Variants in C2CD2L observed in about 807,000 individuals in gnomAD.
C2CD2L encodes the protein C2CD2 like.
Under a neutral mutation model 69.9 loss-of-function variants are expected in C2CD2L, and 24 were observed. The ratio of observed to expected loss-of-function variants is 0.34; its 90% CI spans 0.25 to 0.48. The LOEUF (loss-of-function observed/expected upper bound fraction) is 0.48, where lower values mean the gene tolerates loss of function less well. C2CD2L is among the 20% of genes least tolerant of loss of function. The probability of loss-of-function intolerance (pLI) is 0.99; values close to 1 mark genes in which losing one functional copy is unlikely to be tolerated. For synonymous variants in C2CD2L, 367 were observed against 391.0 expected, an observed-to-expected ratio of 0.94 and a Z score of 0.72; for missense variants, 811 against 941.5, an observed-to-expected ratio of 0.86 and a Z score of 1.81.
In C2CD2L at chr11:119,111,597, A is replaced by G. The variant is rs560238744; in HGVS notation, c.987A>G (p.Gly329=). 1.5e-4 allele frequency: 247 copies of G among 1,613,966 alleles called. 1 individual carries two copies. In the South Asian group the frequency reaches 2.5e-3, roughly 17 times the overall value. Residue 329 remains glycine (G), a synonymous_variant, in exon 7 of 14, where the codon GGA becomes GGG. Coordinates refer to ENST00000648610, the MANE Select transcript of C2CD2L (RefSeq NM_001290474.2). ...AGTGGACCAAGCCCGCGAGGGCTGGATCCGAGGTGGAGTGGACAGAAGACC... is the reference window on the plus strand; with the variant it reads ...AGTGGACCAAGCCCGCGAGGGCTGGGTCCGAGGTGGAGTGGACAGAAGACC... The part of the protein sequence containing the change: ...QQKWTKPARA[G]SEVEWTEDLA...
chr11:119,113,447 G>A, intron 10 of C2CD2L, 164 bp from the exon 11 acceptor site: 2 of 1,048,196 alleles, frequency 1.9e-6, no homozygotes, highest in East Asian at 2.6e-5. Context: ...CTCCTGGGGT[G>A]TCTTTTAGTC....
At chr11:119,115,741 G>A (rs1367140668) in intron 13 of C2CD2L, 2 of 478,660 alleles carry the variant, frequency 4.2e-6, no homozygotes, top group African/African-American at 3.9e-5. Context: ...AAAGCGGCCA[G>A]CTCCGTGATA....
upstream of C2CD2L, among the ~76,000 whole-genome samples, chr11:119,103,688 A>ACT (rs10624762): frequency 0.93 from 141,582 of 152,190 alleles, 66,091 homozygotes; most frequent in Non-Finnish European, 0.95. Flanking sequence ...CAGAGGGGAA[A>ACT]CTGTCTCAAA....
At chr11:119,108,941 C>T (rs571244293) in intron 1 of C2CD2L, among the ~76,000 whole-genome samples, 3 of 152,288 alleles carry the variant, frequency 2.0e-5, no homozygotes, top group Non-Finnish European at 2.9e-5. Flanking sequence ...CCCCAGATGC[C>T]GGAAACAGAA....
chr11:119,116,223 CA>C lies in C2CD2L; in HGVS notation c.2090del (p.Lys697ArgfsTer106). ...IKRFSFKSKP[K>X]ANGNPSPQL ...AGCGCTTTTCCTTCAAATCCAAACCCAAGGCCAATGGTAACCCCAGCCCCCA... is the reference window on the plus strand; with the variant it reads ...AGCGCTTTTCCTTCAAATCCAAACCCAGGCCAATGGTAACCCCAGCCCCCA... On this transcript the variant is annotated frameshift_variant, in exon 14 of 14. Coordinates refer to ENST00000648610, the MANE Select transcript of C2CD2L (RefSeq NM_001290474.2). LOFTEE classifies it high-confidence loss of function. The C allele has an allele frequency of 6.2e-7, 1 of 1,614,252 alleles. No individual in the cohort carries two copies.
At chr11:119,108,856 C>G (rs1283807008) in intron 1 of C2CD2L, among the ~76,000 whole-genome samples, 2 of 152,220 alleles carry the variant, frequency 1.3e-5, no homozygotes, top group Admixed American at 6.5e-5. Context: ...CTTGCTCTCA[C>G]AGTCCATCAG....
In C2CD2L at chr11:119,114,561, GA is replaced by G; in HGVS notation, c.1909+198del. 1.7e-6 allele frequency: 1 copy of G among 599,200 alleles called. No individual in the cohort carries two copies. The highest frequency in any genetic ancestry group is 1.9e-5 in the African/African-American group (1 of 53,994). The allele number at this position is 599,200 out of a possible 1,614,324, so 37.1% of individuals were successfully genotyped here. A position where few individuals can be genotyped will look rare whatever the true frequency, so the allele number is the denominator to read the frequency against. On this transcript the variant is annotated intron_variant, in intron 13 of 13. Transcript: ENST00000648610. The surrounding 1 kb of genome is among the most constrained non-coding windows in gnomAD (Gnocchi z 5.1). ...CCTAGATCTGACATGCTTGTGATAG[GA>G]AGGGATGCCAAATTATTTCCCTTTA...
Position 119,116,125 on chromosome 11 carries a change from G to T in C2CD2L, c.1990G>T (p.Asp664Tyr). The change falls in exon 14 of 14, where the codon GAT becomes TAT. Residue 664 changes from aspartate to tyrosine, a missense_variant. Coordinates refer to ENST00000648610, the MANE Select transcript of C2CD2L (RefSeq NM_001290474.2). The part of the protein sequence containing the change: ...QKEAGLSQSH[D>Y]DLSNATATPS... ...GGAAGCTGGCCTGAGCCAATCACAC[G>T]ATGACCTCTCCAACGCAACGGCCAC... The T allele has an allele frequency of 6.2e-7, 1 of 1,614,198 alleles. No individual in the cohort carries two copies.
chr11:119,110,119 G>A lies in C2CD2L; in HGVS notation c.370G>A (p.Ala124Thr), dbSNP rs1362547738. The change falls in exon 2 of 14, where the codon GCC (alanine) becomes ACC (threonine). Residue 124 changes from alanine to threonine, a missense_variant. Transcript: ENST00000648610. This position sits in a 1 kb window ranked among gnomAD's most constrained non-coding sequence, Gnocchi z 5.7. ...ACTCCCTCAGAGCTCCATCCAAATC[G>A]CCTTTGAGGAGGTGCCCCAACTCCC... is the stretch of plus-strand genomic sequence containing the variant. The part of the protein sequence containing the change: ...ACRNGSSIQI[A>T]FEEVPQLPPR... 8.1e-6 allele frequency: 13 copies of A among 1,613,304 alleles called. No homozygotes were observed. The highest frequency in any genetic ancestry group is 1.7e-5 in the Admixed American group (1 of 60,024).
chr11:119,102,541 A>G (rs544513540), upstream of C2CD2L, among the ~76,000 whole-genome samples: 27 of 152,250 alleles, frequency 1.8e-4, no homozygotes, highest in Admixed American at 1.8e-3. Context: ...TGTAGCAGTT[A>G]GTTGCCCGGC....
chr11:119,115,788 C>T (rs1946870509), intron 13 of C2CD2L: 1 of 585,362 alleles, frequency 1.7e-6, no homozygotes, highest in East Asian at 2.8e-5. Flanking sequence ...GTACACAGAT[C>T]CCCACAAGTA....
At position 119,118,062 on chromosome 11, in the gene C2CD2L, G is replaced by A. The variant is rs1946934927; in HGVS notation, c.*1806G>A. 6.6e-6 allele frequency: 1 copy of A among 152,140 alleles called. No individual in the cohort carries two copies. Among genetic ancestry groups the A allele is most frequent in the Admixed American group, 6.5e-5 (1 of 15,268 alleles). 9.4% of individuals were successfully genotyped at this position (152,140 alleles called of 1,614,324 possible). ...AAATATGAGATATCCGGGAAGAATG[G>A]AGGGTATAGATTTTTTTTTTCAATT... On this transcript the variant is annotated 3_prime_UTR_variant, in exon 14 of 14. Coordinates refer to ENST00000648610, the MANE Select transcript of C2CD2L (RefSeq NM_001290474.2).
upstream of C2CD2L, among the ~76,000 whole-genome samples, chr11:119,105,457 G>T (rs188725831): frequency 5.4e-3 from 820 of 152,162 alleles, 7 homozygotes; most frequent in Non-Finnish European, 9.2e-3. Context: ...TGGCCAACAT[G>T]GTGAAACCCT....
chr11:119,112,706 T>C lies in C2CD2L; in HGVS notation c.1219T>C (p.Tyr407His). The C allele has an allele frequency of 6.2e-7, 1 of 1,613,532 alleles. No individual in the cohort carries two copies. The highest frequency in any genetic ancestry group is 1.3e-5 in the African/African-American group (1 of 74,976). Reference protein sequence around the residue: ...PAATMAVELHYEEGSPRNLGT... With the variant: ...PAATMAVELHHEEGSPRNLGT... ...CTCTCCCACCCCTGGGCAGCTTCAC[T>C]ATGAGGAGGGCTCTCCCCGGAACCT... Residue 407 changes from tyrosine (Y) to histidine (H), a missense_variant, in exon 10 of 14, where the codon TAT becomes CAT. Coordinates refer to ENST00000648610, the MANE Select transcript of C2CD2L (RefSeq NM_001290474.2).
intron 7 of C2CD2L, chr11:119,111,847 A>C (rs1946751527): frequency 3.7e-6 from 2 of 537,472 alleles, no homozygotes; most frequent in Admixed American, 7.0e-5. Flanking sequence ...ACAGGTGTAC[A>C]TAAAGAAGAT....
In C2CD2L at chr11:119,110,519, G is replaced by T; in HGVS notation, c.451-42G>T. ...ATTACAGGGCAGTTCAAAGCAGGGT[G>T]AGCACCCTTCCCCCACATCTGACCC... On this transcript the variant is annotated intron_variant, in intron 2 of 13. Coordinates refer to ENST00000648610, the MANE Select transcript of C2CD2L (RefSeq NM_001290474.2). The surrounding 1 kb of genome is among the most constrained non-coding windows in gnomAD (Gnocchi z 5.7). 1 of 1,591,614 alleles carries T rather than the reference G, an allele frequency of 6.3e-7. No individual in the cohort carries two copies. The highest frequency in any genetic ancestry group is 1.1e-5 in the South Asian group (1 of 89,060).
Position 119,112,387 on chromosome 11 carries a change from G to A in C2CD2L, c.1079G>A (p.Gly360Glu). The A allele has an allele frequency of 5.0e-6, 8 of 1,613,772 alleles. No individual in the cohort carries two copies. Among genetic ancestry groups the A allele is most frequent in the Non-Finnish European group, 6.8e-6 (8 of 1,179,874 alleles). ...AAAGTGCTGAGGAGCAGCAGCTGTG[G>A]AGACAGTAAGTGAGGGGTGGGAGGG... ...TLKVLRSSSC[G>E]DTELLGQATL... The change falls in exon 8 of 14, where the codon GGA (glycine) becomes GAA (glutamate). Residue 360 changes from glycine (G) to glutamate (E), a missense_variant. Transcript: ENST00000648610.
rs200511215 is a variant in C2CD2L, at chr11:119,116,521, A to G, written c.*265A>G. On this transcript the variant is annotated 3_prime_UTR_variant, in exon 14 of 14. Coordinates refer to ENST00000648610, the MANE Select transcript of C2CD2L (RefSeq NM_001290474.2). ...TGTCCGGCATGTGTGGGTATTCCCCAGAAGCATTTGCCTCCTGCTGAGCCT... is the reference window on the plus strand; with the variant it reads ...TGTCCGGCATGTGTGGGTATTCCCCGGAAGCATTTGCCTCCTGCTGAGCCT... The G allele has an allele frequency of 8.1e-4, 463 of 569,710 alleles. 6 individuals are homozygous for G. The highest frequency in any genetic ancestry group is 7.9e-3 in the African/African-American group (421 of 53,544). The allele number at this position is 569,710 out of a possible 1,614,324, so 35.3% of individuals were successfully genotyped here. A position where few individuals can be genotyped will look rare whatever the true frequency, so the allele number is the denominator to read the frequency against.
upstream of C2CD2L, among the ~76,000 whole-genome samples, chr11:119,104,439 A>T (rs959183614): frequency 8.5e-5 from 13 of 152,216 alleles, no homozygotes; most frequent in African/African-American, 3.1e-4. Context: ...CTAAGGATTC[A>T]TCATCCACAT....
Sources: allele counts gnomAD v4.1 joint callset (sites outside exome capture counted in the v4.1 genomes callset), GRCh38; gene constraint gnomAD v4.1.1; non-coding constraint Gnocchi (gnomAD v3.1); transcripts MANE v1.5; gene names NCBI Gene and HGNC (gene_info 2026-07-23, HGNC 2026-07-21).